The following CDCA2 variants were observed in gnomAD, a reference collection of about 807,000 sequenced individuals.
CDCA2 encodes the protein cell division cycle-associated protein 2.
Under a neutral mutation model 67.0 loss-of-function variants are expected in CDCA2, and 44 were observed. The ratio of observed to expected loss-of-function variants is 0.66; its 90% CI spans 0.52 to 0.84. The LOEUF is 0.84. CDCA2 is among the 40% of genes least tolerant of loss of function. CDCA2 has a pLI of 0.00. For synonymous variants in CDCA2, 447 were observed against 418.7 expected, an observed-to-expected ratio of 1.07 and a Z score of -0.82; for missense variants, 1,253 against 1,203.2, an observed-to-expected ratio of 1.04 and a Z score of -0.61.
intron 14 of CDCA2, among the ~76,000 whole-genome samples, chr8:25,504,142 C>T (rs556684923): frequency 1.2e-4 from 19 of 152,218 alleles, no homozygotes; most frequent in African/African-American, 3.9e-4. Context: ...AAAAATAATA[C>T]ATATAAATTG....
intron 7 of CDCA2, among the ~76,000 whole-genome samples, chr8:25,472,616 CCTTT>C (rs146708379): frequency 0.046 from 6,994 of 152,106 alleles, 205 homozygotes; most frequent in Non-Finnish European, 0.069. Flanking sequence ...AACGCTCCTT[CCTTT>C]ATTTCTTTTT....
intron 7 of CDCA2, among the ~76,000 whole-genome samples, chr8:25,473,930 C>T (rs906762436): frequency 6.6e-6 from 1 of 152,202 alleles, no homozygotes; most frequent in Non-Finnish European, 1.5e-5. Flanking sequence ...TCTATTCTGA[C>T]TTGCTCCTTT....
intron 13 of CDCA2, among the ~76,000 whole-genome samples, chr8:25,500,772 A>G (rs943678435): frequency 6.6e-6 from 1 of 152,368 alleles, no homozygotes; most frequent in Middle Eastern, 3.4e-3. Flanking sequence ...CAGGCCCTAC[A>G]TTAACCAGCT....
intron 13 of CDCA2, among the ~76,000 whole-genome samples, chr8:25,502,760 CTT>C (rs533244656): frequency 8.8e-4 from 134 of 152,082 alleles, no homozygotes; most frequent in Non-Finnish European, 1.5e-3. Flanking sequence ...TCTAAAGCAT[CTT>C]ATATATTTTT....
intron 13 of CDCA2, among the ~76,000 whole-genome samples, chr8:25,497,897 C>T (rs997257870): frequency 7.2e-5 from 11 of 152,004 alleles, no homozygotes; most frequent in Admixed American, 3.3e-4. Flanking sequence ...ATCTAATTAC[C>T]AATTTATAGG....
chr8:25,489,478 C>T (rs930570787), intron 13 of CDCA2, among the ~76,000 whole-genome samples: 1 of 152,174 alleles, frequency 6.6e-6, no homozygotes, highest in Non-Finnish European at 1.5e-5. Context: ...CCTTCCACCT[C>T]ATCCATCCAG....
Position 25,487,280 on chromosome 8 carries a change from G to A in CDCA2, c.1479G>A (p.Glu493=). The change falls in exon 12 of 15, where the codon GAG becomes GAA. Residue 493 remains glutamate (E), a synonymous_variant. Transcript: ENST00000330560. ...CCTTTAGTTCTTCAAATAACCATGA[G>A]AAAATATCCTCTCCTAAAGTTGGTA... ...TDTFSSSNNH[E]KISSPKVGRI... 1 of 1,611,716 alleles carries A rather than the reference G, an allele frequency of 6.2e-7. No homozygotes were observed. The highest frequency in any genetic ancestry group is 8.5e-7 in the Non-Finnish European group (1 of 1,178,176).
intron 13 of CDCA2, among the ~76,000 whole-genome samples, chr8:25,491,857 G>A (rs1804017093): frequency 6.6e-6 from 1 of 151,718 alleles, no homozygotes; most frequent in South Asian, 2.1e-4. Flanking sequence ...GTGCAGTGAT[G>A]CATGATCTTG....
intron 13 of CDCA2, among the ~76,000 whole-genome samples, chr8:25,499,564 A>G (rs1340397491): frequency 6.6e-6 from 1 of 151,888 alleles, no homozygotes; most frequent in African/African-American, 2.4e-5. Context: ...TCGGCCTCCC[A>G]AAGTGTTGGG....
In CDCA2 at chr8:25,468,387, G is replaced by C. The variant is rs897359537; in HGVS notation, c.709G>C (p.Val237Leu). The C allele has an allele frequency of 1.2e-6, 2 of 1,611,728 alleles. No individual in the cohort carries two copies. The highest frequency in any genetic ancestry group is 2.2e-5 in the East Asian group (1 of 44,846). ...FNIDTDRACA[V>L]ETSVDLSEIS... is the part of the protein sequence containing the mutation. The stretch of plus-strand genomic sequence containing the variant: ...TATTGATACAGACAGAGCATGTGCA[G>C]TTGAAACTTCTGTAGATCTTTCTGA... The change falls in exon 6 of 15, where the codon GTT becomes CTT. Residue 237 changes from valine to leucine, a missense_variant. Val to Leu is a conservative substitution (Grantham distance 32). Transcript: ENST00000330560.
intron 13 of CDCA2, among the ~76,000 whole-genome samples, chr8:25,498,521 A>G (rs1268999075): frequency 7.6e-6 from 1 of 130,922 alleles, no homozygotes; most frequent in Non-Finnish European, 1.6e-5. Context: ...TCCCTGGTGT[A>G]CATTTTAAGT....
In CDCA2 at chr8:25,507,653, G is replaced by T. The variant is rs376561663; in HGVS notation, c.2987G>T (p.Arg996Leu). Residue 996 changes from arginine (R) to leucine (L), a missense_variant, in exon 15 of 15, where the codon CGG (arginine) becomes CTG (leucine). Coordinates refer to ENST00000330560, the MANE Select transcript of CDCA2 (RefSeq NM_152562.4). ...GCCACTTCCCAGTTCAAAGGCTACCGGAGAAGATCCTCTCTTAATGGGAAG... is the reference window on the plus strand; with the variant it reads ...GCCACTTCCCAGTTCAAAGGCTACCTGAGAAGATCCTCTCTTAATGGGAAG... Reference protein sequence around the residue: ...TKATSQFKGYRRRSSLNGKGE... With the variant: ...TKATSQFKGYLRRSSLNGKGE... 5 of 1,614,048 alleles carry T rather than the reference G, an allele frequency of 3.1e-6. No individual in the cohort carries two copies. In the African/African-American group the frequency reaches 5.3e-5, roughly 17 times the overall value.
chr8:25,487,117 T>A, intron 11 of CDCA2, 129 bp from the exon 12 acceptor site: 1 of 622,162 alleles, frequency 1.6e-6, no homozygotes, highest in Admixed American at 3.5e-5. Context: ...TTTCTGCTGC[T>A]TGGCTCCTCT....
At chr8:25,460,957 G>A (rs1802659693) in intron 3 of CDCA2, among the ~76,000 whole-genome samples, 1 of 152,116 alleles carries the variant, frequency 6.6e-6, no homozygotes. Flanking sequence ...GAAAGAGCAG[G>A]ATGTACCTCC....
intron 7 of CDCA2, among the ~76,000 whole-genome samples, chr8:25,477,934 T>G (rs143411246): frequency 7.2e-5 from 11 of 151,956 alleles, no homozygotes; most frequent in African/African-American, 2.7e-4. Flanking sequence ...TTTTCCTTTT[T>G]TTTTTTTTTC....
Position 25,484,029 on chromosome 8 carries a change from T to C in CDCA2, c.1184T>C (p.Phe395Ser), listed in dbSNP as rs1803668915. ...ATGAGGAAGAGGAAGAGAGTTACTTTTGGAGAGGACTTAAGCCCGGAAGTG... is the reference window on the plus strand; with the variant it reads ...ATGAGGAAGAGGAAGAGAGTTACTTCTGGAGAGGACTTAAGCCCGGAAGTG... ...LNMRKRKRVT[F>S]GEDLSPEVFD... is the part of the protein sequence containing the mutation. The change falls in exon 10 of 15, where the codon TTT becomes TCT. Residue 395 changes from phenylalanine to serine, a missense_variant. Coordinates refer to ENST00000330560, the MANE Select transcript of CDCA2 (RefSeq NM_152562.4). 6.2e-7 allele frequency: 1 copy of C among 1,614,206 alleles called. No individual in the cohort carries two copies. The highest frequency in any genetic ancestry group is 8.5e-7 in the Non-Finnish European group (1 of 1,180,036).
intron 7 of CDCA2, among the ~76,000 whole-genome samples, chr8:25,473,557 A>G (rs1249642312): frequency 6.6e-6 from 1 of 152,178 alleles, no homozygotes; most frequent in Non-Finnish European, 1.5e-5. Flanking sequence ...TTTTCTATCT[A>G]TATAATTAAA....
chr8:25,495,146 G>C (rs1176541229), intron 13 of CDCA2, among the ~76,000 whole-genome samples: 1 of 152,192 alleles, frequency 6.6e-6, no homozygotes, highest in African/African-American at 2.4e-5. Flanking sequence ...ATAAACCAAA[G>C]AGAAATAAAA....
At position 25,507,340 on chromosome 8, in the gene CDCA2, C is replaced by T. The variant is rs748922928; in HGVS notation, c.2674C>T (p.Arg892Cys). ...QRRNSETKVRRSTRLQKDLEN... is the reference protein window; with the variant it reads ...QRRNSETKVRCSTRLQKDLEN... Reference sequence around the variant, plus strand: ...GAGAAATAGTGAAACCAAAGTGCGACGTAGCACGAGGCTACAGAAGGATTT... The same window carrying T: ...GAGAAATAGTGAAACCAAAGTGCGATGTAGCACGAGGCTACAGAAGGATTT... The change falls in exon 15 of 15, where the codon CGT becomes TGT. Residue 892 changes from arginine (R) to cysteine (C), a missense_variant. Transcript: ENST00000330560. 1.6e-5 allele frequency: 26 copies of T among 1,613,820 alleles called. No homozygotes were observed. Among genetic ancestry groups the T allele is most frequent in the Admixed American group, 5.0e-5 (3 of 59,950 alleles).
Sources: allele counts gnomAD v4.1 joint callset (sites outside exome capture counted in the v4.1 genomes callset), GRCh38; gene constraint gnomAD v4.1.1; transcripts MANE v1.5; gene names NCBI Gene and HGNC (gene_info 2026-07-23, HGNC 2026-07-21).